The following ADAMTS12 variants were observed in gnomAD, a reference collection of about 807,000 sequenced individuals.
ADAMTS12 encodes the protein A disintegrin and metalloproteinase with thrombospondin motifs 12.
ADAMTS12 carries 118 observed loss-of-function variants against 167.8 expected under a neutral mutation model. That is an observed-to-expected ratio of 0.70 (90% CI 0.61 to 0.82). The LOEUF (loss-of-function observed/expected upper bound fraction) is 0.82. Ranked by LOEUF, ADAMTS12 falls within the 40% of genes least tolerant of loss-of-function variation. ADAMTS12 has a pLI of 0.00. For synonymous variants in ADAMTS12, 704 were observed against 716.9 expected, an observed-to-expected ratio of 0.98 and a Z score of 0.29; for missense variants, 1,916 against 1,998.8, an observed-to-expected ratio of 0.96 and a Z score of 0.79.
At chr5:33,583,209 T>C (rs575727304) in intron 18 of ADAMTS12, among the ~76,000 whole-genome samples, 1 of 152,326 alleles carries the variant, frequency 6.6e-6, no homozygotes, top group African/African-American at 2.4e-5. Flanking sequence ...ATTGTTTTGA[T>C]TTTTAGAGCC....
rs1012158595 is a variant in ADAMTS12 at position 33,883,316 on chromosome 5, GTTTTTTTTTTGTTT to G, written c.128-1850_128-1837del. The stretch of plus-strand genomic sequence containing the variant: ...AAGAGTTTTTTTGTTTGTTTGTTTG[GTTTTTTTTTTGTTT>G]TTTTTTTTTTTGTTTTTTTTTTTTC... On this transcript the variant is annotated intron_variant, in intron 1 of 23. Coordinates refer to ENST00000504830, the MANE Select transcript of ADAMTS12 (RefSeq NM_030955.4). 1.4e-4 allele frequency among the ~76,000 whole-genome samples: 17 copies of G among 125,778 alleles called. 1 individual carries two copies. The highest frequency in any genetic ancestry group is 1.2e-3 in the South Asian group (5 of 4,018). 82.5% of individuals were successfully genotyped at this position (125,778 alleles called of 152,430 possible).
intron 3 of ADAMTS12, among the ~76,000 whole-genome samples, chr5:33,709,961 C>T (rs776332332): frequency 3.9e-5 from 6 of 152,018 alleles, no homozygotes; most frequent in African/African-American, 1.2e-4. Context: ...AAGCAATCCA[C>T]GCAAACCAAG....
chr5:33,845,053 T>C (rs1299171496), intron 2 of ADAMTS12, among the ~76,000 whole-genome samples: 4 of 152,212 alleles, frequency 2.6e-5, no homozygotes, highest in African/African-American at 9.6e-5. Context: ...GACTACAACA[T>C]TAGTGTAAAC....
chr5:33,725,168 C>G (rs1449571603), intron 3 of ADAMTS12, among the ~76,000 whole-genome samples: 1 of 152,158 alleles, frequency 6.6e-6, no homozygotes, highest in Non-Finnish European at 1.5e-5. Context: ...TGAAACAGCT[C>G]CCGATATGAT....
chr5:33,599,193 G>A (rs917009587), intron 16 of ADAMTS12, among the ~76,000 whole-genome samples: 1 of 152,162 alleles, frequency 6.6e-6, no homozygotes, highest in Non-Finnish European at 1.5e-5. Context: ...TGACCCACAG[G>A]ATCTGTGGCA....
At chr5:33,754,560 T>C (rs768729066) in intron 2 of ADAMTS12, among the ~76,000 whole-genome samples, 60 of 152,242 alleles carry the variant, frequency 3.9e-4, no homozygotes, top group Non-Finnish European at 6.6e-4. Context: ...TAAAAACATC[T>C]GGCTGGGCAC....
chr5:33,661,909 G>A lies in ADAMTS12; in HGVS notation c.1040+7C>T, dbSNP rs1044804479. ...TGCCCCTGGGTTTCATGTAGTCTCT[G>A]GTGTACCTGGTGAGAAGGACAGCCA... On this transcript the variant is annotated splice_region_variant and intron_variant, in intron 6 of 23. Transcript: ENST00000504830. 3.7e-6 allele frequency: 6 copies of A among 1,612,920 alleles called. No homozygotes were observed. In the African/African-American group the frequency reaches 8.0e-5, roughly 22 times the overall value.
At chr5:33,834,421 G>C (rs1279518686) in intron 2 of ADAMTS12, among the ~76,000 whole-genome samples, 2 of 152,102 alleles carry the variant, frequency 1.3e-5, no homozygotes, top group East Asian at 3.9e-4. Flanking sequence ...AGAAAACAAT[G>C]AAATTTATCT....
At chr5:33,838,492 GGC>G (rs1445870600) in intron 2 of ADAMTS12, among the ~76,000 whole-genome samples, 1 of 152,142 alleles carries the variant, frequency 6.6e-6, no homozygotes, top group East Asian at 1.9e-4. Flanking sequence ...AGACCAGCCT[GGC>G]CAACATAGTG....
intron 11 of ADAMTS12, among the ~76,000 whole-genome samples, chr5:33,639,259 A>C (rs1268967921): frequency 6.6e-6 from 1 of 152,190 alleles, no homozygotes; most frequent in Non-Finnish European, 1.5e-5. Context: ...ATATACTACC[A>C]TGTGCTCAAC....
chr5:33,680,240 A>G (rs1328384051), intron 5 of ADAMTS12, among the ~76,000 whole-genome samples: 1 of 152,194 alleles, frequency 6.6e-6, no homozygotes, highest in Middle Eastern at 3.2e-3. Flanking sequence ...AAACAATGTG[A>G]TTGTGATGGA....
At chr5:33,724,905 C>G (rs114367409) in intron 3 of ADAMTS12, among the ~76,000 whole-genome samples, 1 of 152,150 alleles carries the variant, frequency 6.6e-6, no homozygotes, top group Non-Finnish European at 1.5e-5. Flanking sequence ...GTTGAGCCAA[C>G]CAATCCAAAG....
intron 2 of ADAMTS12, among the ~76,000 whole-genome samples, chr5:33,791,770 C>CTTTTTTTTTTTTTTTTTCT (rs34517781): frequency 7.1e-6 from 1 of 141,298 alleles, no homozygotes; most frequent in Non-Finnish European, 1.5e-5. Flanking sequence ...ATTTCCTTTT[C>CTTTTTTTTTTTTTTTTTCT]TTTTTTTTTT....
chr5:33,828,949 C>G (rs1748196956), intron 2 of ADAMTS12, among the ~76,000 whole-genome samples: 1 of 152,092 alleles, frequency 6.6e-6, no homozygotes, highest in African/African-American at 2.4e-5. Flanking sequence ...AACTGGAATC[C>G]CTCTCCACTT....
rs532928492 is a variant in ADAMTS12 at position 33,680,724 on chromosome 5, T to C, written c.915+2294A>G. Among the ~76,000 whole-genome samples, 82 of 152,302 alleles carry C rather than the reference T, an allele frequency of 5.4e-4. No individual in the cohort carries two copies. The Middle Eastern group carries it at 0.014, about 25-fold the overall frequency. ...TAGTGAGGAGACAGGCAAGATAATT[T>C]GGCTCCTTAATGAGGGGATAGGCAA... On this transcript the variant is annotated intron_variant, in intron 5 of 23. Coordinates refer to ENST00000504830, the MANE Select transcript of ADAMTS12 (RefSeq NM_030955.4).
intron 2 of ADAMTS12, among the ~76,000 whole-genome samples, chr5:33,759,807 C>T (rs549369050): frequency 6.6e-6 from 1 of 152,180 alleles, no homozygotes; most frequent in African/African-American, 2.4e-5. Context: ...CCAAGAGCTG[C>T]TCCCACAGAT....
At chr5:33,694,481 CT>C (rs1742679323) in intron 3 of ADAMTS12, among the ~76,000 whole-genome samples, 1 of 151,706 alleles carries the variant, frequency 6.6e-6, no homozygotes, top group Non-Finnish European at 1.5e-5. Context: ...AAAAATTACC[CT>C]TTTGGTAATA....
At chr5:33,753,686 G>C (rs1745076197) in intron 2 of ADAMTS12, among the ~76,000 whole-genome samples, 1 of 152,116 alleles carries the variant, frequency 6.6e-6, no homozygotes, top group Non-Finnish European at 1.5e-5. Context: ...AGAAGAAACA[G>C]ATGGGGCTCC....
intron 5 of ADAMTS12, among the ~76,000 whole-genome samples, chr5:33,675,861 T>C (rs1741882333): frequency 6.6e-6 from 1 of 152,162 alleles, no homozygotes; most frequent in Admixed American, 6.5e-5. Context: ...TGGATTAAAT[T>C]GAGGCAGCCC....
Sources: allele counts gnomAD v4.1 joint callset (sites outside exome capture counted in the v4.1 genomes callset), GRCh38; gene constraint gnomAD v4.1.1; transcripts MANE v1.5; gene names NCBI Gene and HGNC (gene_info 2026-07-23, HGNC 2026-07-21).